Variants in GDAP2 observed in about 807,000 individuals in gnomAD.
GDAP2 encodes ganglioside induced differentiation associated protein 2, also known as ganglioside-induced differentiation-associated protein 2.
In GDAP2, 51 loss-of-function variants were observed where a neutral mutation model predicts 67.0. That is an observed-to-expected ratio of 0.76 (90% CI 0.61 to 0.96). The LOEUF is 0.96. GDAP2 is among the 40% of genes least tolerant of loss of function. The probability of loss-of-function intolerance (pLI) is 0.00; values close to 1 mark genes in which losing one functional copy is unlikely to be tolerated. For synonymous variants in GDAP2, 203 were observed against 207.3 expected, an observed-to-expected ratio of 0.98 and a Z score of 0.18; for missense variants, 547 against 588.3, an observed-to-expected ratio of 0.93 and a Z score of 0.73.
At chr1:117,896,707 C>G in intron 8 of GDAP2, 126 bp downstream of exon 8, 1 of 619,344 alleles carries the variant, frequency 1.6e-6, no homozygotes. Context: ...ATATCTTCCT[C>G]ACTGATTGTC....
chr1:117,926,499 A>C (rs1208070043), intron 1 of GDAP2, among the ~76,000 whole-genome samples: 1 of 152,234 alleles, frequency 6.6e-6, no homozygotes. Context: ...CATTTTATGA[A>C]GTGTCACAGT....
Position 117,868,030 on chromosome 1 carries a change from T to G in GDAP2, c.*2539A>C, listed in dbSNP as rs1275718993. ...AAGTTTAATTAAATTAAAGACTTGG[T>G]GGTGCTTTGAATTAACATCAGATGC... On this transcript the variant is annotated 3_prime_UTR_variant, in exon 14 of 14. Coordinates refer to ENST00000369443, the MANE Select transcript of GDAP2 (RefSeq NM_017686.4). 1 of 152,240 alleles carries G rather than the reference T, an allele frequency of 6.6e-6. No homozygotes were observed. The highest frequency in any genetic ancestry group is 1.5e-5 in the Non-Finnish European group (1 of 68,040). 9.4% of individuals were successfully genotyped at this position (152,240 alleles called of 1,614,324 possible).
intron 8 of GDAP2, among the ~76,000 whole-genome samples, chr1:117,892,191 ATTGT>A (rs1299186940): frequency 3.3e-5 from 5 of 152,092 alleles, no homozygotes; most frequent in African/African-American, 4.8e-5. Context: ...ACCACTATAG[ATTGT>A]GTAAGTCTGA....
At chr1:117,884,856 C>T (rs1221433981) in intron 10 of GDAP2, among the ~76,000 whole-genome samples, 3 of 141,002 alleles carry the variant, frequency 2.1e-5, no homozygotes, top group Non-Finnish European at 3.1e-5. Flanking sequence ...TCTGTTTGTT[C>T]GAGACAGGGT....
chr1:117,926,915 A>G (rs1032869429), intron 1 of GDAP2, among the ~76,000 whole-genome samples: 4 of 152,160 alleles, frequency 2.6e-5, no homozygotes, highest in African/African-American at 4.8e-5. Flanking sequence ...TTTTGCTAAC[A>G]TTAAAGGAGA....
chr1:117,903,715 G>C (rs921670083), intron 6 of GDAP2, among the ~76,000 whole-genome samples: 2 of 152,134 alleles, frequency 1.3e-5, no homozygotes, highest in African/African-American at 4.8e-5. Flanking sequence ...TTGCTCTATA[G>C]TTTTCTGGCA....
rs1434717166 is a variant in GDAP2, at chr1:117,918,437, T to A, written c.316+160A>T. 3.3e-5 allele frequency among the ~76,000 whole-genome samples: 5 copies of A among 152,330 alleles called. No homozygotes were observed. In the South Asian group the frequency reaches 8.3e-4, roughly 25 times the overall value. ...TAACACATTTCAAAATGTAATGAAT[T>A]TTGTTAAAATGGAGCTTTCAAAAGC... On this transcript the variant is annotated intron_variant, in intron 3 of 13. Coordinates refer to ENST00000369443, the MANE Select transcript of GDAP2 (RefSeq NM_017686.4).
chr1:117,893,304 G>A (rs1274211324), intron 8 of GDAP2, among the ~76,000 whole-genome samples: 2 of 152,164 alleles, frequency 1.3e-5, no homozygotes, highest in Non-Finnish European at 2.9e-5. Context: ...ATTTTGGTAA[G>A]TAAACCAATG....
chr1:117,900,014 A>C (rs1328329701), intron 6 of GDAP2, among the ~76,000 whole-genome samples: 1 of 152,180 alleles, frequency 6.6e-6, no homozygotes, highest in African/African-American at 2.4e-5. Context: ...CATCTTTTAA[A>C]TACATATATA....
chr1:117,924,576 G>A (rs1050628172), intron 1 of GDAP2, among the ~76,000 whole-genome samples: 1 of 152,172 alleles, frequency 6.6e-6, no homozygotes, highest in African/African-American at 2.4e-5. Flanking sequence ...GACATGGGAT[G>A]CTAATTGGAA....
At position 117,884,420 on chromosome 1, in the gene GDAP2, C is replaced by T. The variant is rs111559485; in HGVS notation, c.1108-793G>A. Among the ~76,000 whole-genome samples, 9 of 152,290 alleles carry T rather than the reference C, an allele frequency of 5.9e-5. No homozygotes were observed. The East Asian group carries it at 1.5e-3, about 26-fold the overall frequency. On this transcript the variant is annotated intron_variant, in intron 10 of 13. Transcript: ENST00000369443. The stretch of plus-strand genomic sequence containing the variant: ...TCACATAGAAAAAGCTAAGAGGTAA[C>T]AACTGAAGGATTACTGTAAAACAAA...
chr1:117,899,506 T>C (rs189646404), intron 6 of GDAP2, among the ~76,000 whole-genome samples: 40 of 152,282 alleles, frequency 2.6e-4, no homozygotes, highest in East Asian at 1.4e-3. Context: ...GTACCTTCAC[T>C]TCCTAATGAT....
intron 7 of GDAP2, among the ~76,000 whole-genome samples, chr1:117,897,712 A>AAAAC (rs1305106727): frequency 3.3e-5 from 5 of 152,232 alleles, no homozygotes; most frequent in Non-Finnish European, 7.3e-5. Flanking sequence ...AAAACAAAAC[A>AAAAC]AACGTCGTAC....
intron 10 of GDAP2, 36 bp downstream of exon 10, chr1:117,886,541 A>G: frequency 9.3e-7 from 1 of 1,079,832 alleles, no homozygotes; most frequent in Non-Finnish European, 1.4e-6. Flanking sequence ...TTTTCAATCA[A>G]CATTGTTTGT....
chr1:117,866,752 G>C lies in GDAP2; in HGVS notation c.*3817C>G, dbSNP rs1648075740. On this transcript the variant is annotated 3_prime_UTR_variant, in exon 14 of 14. Transcript: ENST00000369443. The stretch of plus-strand genomic sequence containing the variant: ...GTCTATAATCTCACTTACTGGGGAG[G>C]CTGAGACAGGAGAATCTCTTGAACC... The C allele has an allele frequency of 6.6e-6, 1 of 151,432 alleles. No individual in the cohort carries two copies. Among genetic ancestry groups the C allele is most frequent in the Non-Finnish European group, 1.5e-5 (1 of 67,960 alleles). The allele number at this position is 151,432 out of a possible 1,614,324, so 9.4% of individuals were successfully genotyped here.
intron 1 of GDAP2, among the ~76,000 whole-genome samples, chr1:117,923,910 C>G (rs1650348727): frequency 2.0e-5 from 3 of 152,170 alleles, no homozygotes; most frequent in Non-Finnish European, 4.4e-5. Flanking sequence ...ATCTACAAGT[C>G]CCCCATCCAA....
At chr1:117,884,813 C>CGTGTGTGTGTGT (rs35296112) in intron 10 of GDAP2, among the ~76,000 whole-genome samples, 169 of 147,966 alleles carry the variant, frequency 1.1e-3, no homozygotes, top group African/African-American at 3.6e-3. Flanking sequence ...TTATTCCCTC[C>CGTGTGTGTGTGT]GTGTGTGTGT....
intron 6 of GDAP2, among the ~76,000 whole-genome samples, chr1:117,901,377 C>T (rs1472394891): frequency 6.6e-6 from 1 of 152,172 alleles, no homozygotes; most frequent in African/African-American, 2.4e-5. Context: ...CTTCTGTATA[C>T]ACCTAACAGT....
chr1:117,875,087 G>A (rs1390430339), intron 13 of GDAP2, among the ~76,000 whole-genome samples: 1 of 152,218 alleles, frequency 6.6e-6, no homozygotes, highest in African/African-American at 2.4e-5. Flanking sequence ...CTAGGCATGT[G>A]GTAGAGAAGG....
Sources: gnomAD v4.1 joint callset for allele counts (sites outside exome capture counted in the v4.1 genomes callset) on GRCh38, gnomAD v4.1.1 for gene constraint, MANE v1.5 for transcripts, NCBI Gene and HGNC (gene_info 2026-07-23, HGNC 2026-07-21) for gene names.